ROBO2: variants seen among roughly 807,000 people sequenced by gnomAD.
ROBO2 encodes roundabout homolog 2.
In ROBO2, 53 loss-of-function variants were observed where a neutral mutation model predicts 160.8. That is an observed-to-expected ratio of 0.33 (90% confidence interval 0.26 to 0.41). The LOEUF (loss-of-function observed/expected upper bound fraction) is 0.41, where lower values mean the gene tolerates loss of function less well. ROBO2 is among the 10% of genes least tolerant of loss of function. ROBO2 has a pLI of 1.00. For missense variants in ROBO2, 1,577 were observed against 1,722.4 expected (o/e 0.92, Z 1.49); for synonymous variants, 664 against 611.7 (o/e 1.09, Z -1.26).
At chr3:77,382,795 A>G (rs2073678080) in intron 2 of ROBO2, among the ~76,000 whole-genome samples, 3 of 152,190 alleles carry the variant, frequency 2.0e-5, no homozygotes, top group Admixed American at 1.3e-4. Context: ...CATATATACC[A>G]CATTTTCTTT....
At chr3:76,211,030 A>G (rs6792598) in intron 2 of ROBO2, among the ~76,000 whole-genome samples, 148,022 of 152,124 alleles carry the variant, frequency 0.97, 72,146 homozygotes, top group East Asian at 1. Context: ...GTAATGAGTG[A>G]CGTAGAAAAA....
At chr3:77,436,374 T>C (rs1317261745) in intron 2 of ROBO2, among the ~76,000 whole-genome samples, 1 of 151,844 alleles carries the variant, frequency 6.6e-6, no homozygotes, top group African/African-American at 2.4e-5. Flanking sequence ...ATCACAAATA[T>C]GTTCTAGAAC....
rs143561771 is a variant in ROBO2, at chr3:77,617,627, C to T, written c.3408C>T (p.Gly1136=). Residue 1136 remains glycine (G), a synonymous_variant, in exon 22 of 26, where the codon GGC becomes GGT. Transcript: ENST00000461745. ...GGGTCCCAACACCTCCTGTTCGAGG[C>T]GTGGCTTCTTCTCCTGCTATCTCCT... 547 of 1,614,140 alleles carry T rather than the reference C, an allele frequency of 3.4e-4. 2 individuals are homozygous for T. The African/African-American group carries it at 6.0e-3, about 18-fold the overall frequency.
intron 2 of ROBO2, among the ~76,000 whole-genome samples, chr3:77,465,861 C>T (rs1042344664): frequency 2.6e-5 from 4 of 152,114 alleles, no homozygotes; most frequent in Admixed American, 6.5e-5. Flanking sequence ...TCTCCAATCA[C>T]TGTCAATGGT....
intron 2 of ROBO2, among the ~76,000 whole-genome samples, chr3:76,393,885 T>C (rs549254019): frequency 1.3e-5 from 2 of 152,260 alleles, no homozygotes; most frequent in Non-Finnish European, 1.5e-5. Flanking sequence ...AAGTGTGAAA[T>C]TGTAAGTATA....
intron 2 of ROBO2, among the ~76,000 whole-genome samples, chr3:76,755,147 A>G (rs894643739): frequency 6.6e-6 from 1 of 151,870 alleles, no homozygotes; most frequent in Non-Finnish European, 1.5e-5. Context: ...ATTATTGATT[A>G]AATGAATTTT....
At chr3:77,292,229 AC>A (rs1398989233) in intron 2 of ROBO2, among the ~76,000 whole-genome samples, 14 of 151,244 alleles carry the variant, frequency 9.3e-5, no homozygotes, top group South Asian at 4.2e-4. Context: ...AGGCTAGATC[AC>A]CCCAGATGTA....
At chr3:76,966,218 A>T (rs552628443) in intron 2 of ROBO2, among the ~76,000 whole-genome samples, 5 of 152,164 alleles carry the variant, frequency 3.3e-5, no homozygotes, top group African/African-American at 1.2e-4. Flanking sequence ...CACCGTGCCC[A>T]GTCCATATTT....
chr3:76,739,073 G>T (rs1014608849), intron 2 of ROBO2, among the ~76,000 whole-genome samples: 6 of 152,104 alleles, frequency 3.9e-5, no homozygotes, highest in Non-Finnish European at 7.4e-5. Context: ...TCAGTGTGGC[G>T]ATTCCTCAGG....
intron 2 of ROBO2, among the ~76,000 whole-genome samples, chr3:76,416,671 G>T (rs2075769745): frequency 6.6e-6 from 1 of 152,144 alleles, no homozygotes; most frequent in African/African-American, 2.4e-5. Context: ...TTATAGGAGA[G>T]ATGATGACCA....
intron 1 of ROBO2, among the ~76,000 whole-genome samples, chr3:77,097,090 G>A (rs1220031232): frequency 4.6e-5 from 7 of 152,152 alleles, no homozygotes; most frequent in Non-Finnish European, 1.0e-4. Flanking sequence ...TAAAAGAATA[G>A]TCATACCCCT....
chr3:76,502,123 GA>G (rs2080492637), intron 2 of ROBO2, among the ~76,000 whole-genome samples: 1 of 152,116 alleles, frequency 6.6e-6, no homozygotes. Flanking sequence ...TATGTTTTGT[GA>G]AAGATATAAT....
At chr3:77,425,422 A>C in intron 2 of ROBO2, among the ~76,000 whole-genome samples, 1 of 152,158 alleles carries the variant, frequency 6.6e-6, no homozygotes, top group East Asian at 1.9e-4. Context: ...GAGGTGGCCA[A>C]AGATGTTCTT....
chr3:76,465,603 G>A (rs1161413149), intron 2 of ROBO2, among the ~76,000 whole-genome samples: 1 of 152,024 alleles, frequency 6.6e-6, no homozygotes, highest in Admixed American at 6.6e-5. Flanking sequence ...GTAGATAATT[G>A]AGAGTTGGCT....
intron 16 of ROBO2, among the ~76,000 whole-genome samples, chr3:77,587,680 C>T (rs1052144489): frequency 2.0e-5 from 3 of 152,220 alleles, no homozygotes; most frequent in Middle Eastern, 3.4e-3. Flanking sequence ...TCATCAAAAT[C>T]ATGACTTCAA....
At chr3:76,792,439 G>C (rs969623874) in intron 2 of ROBO2, among the ~76,000 whole-genome samples, 1 of 151,674 alleles carries the variant, frequency 6.6e-6, no homozygotes, top group East Asian at 1.9e-4. Context: ...TTTTGGGATA[G>C]ATAACGAATA....
At chr3:76,060,461 A>G (rs1289481708) in intron 2 of ROBO2, among the ~76,000 whole-genome samples, 1 of 152,192 alleles carries the variant, frequency 6.6e-6, no homozygotes, top group Non-Finnish European at 1.5e-5. Flanking sequence ...ATAAAATTAT[A>G]CTAGAGTGAA....
chr3:77,587,949 G>T (rs2153683022), intron 16 of ROBO2, among the ~76,000 whole-genome samples: 1 of 152,154 alleles, frequency 6.6e-6, no homozygotes, highest in Non-Finnish European at 1.5e-5. Flanking sequence ...TTAAAATGTA[G>T]ATTGAGATTT....
chr3:76,185,215 T>TATATATATAC lies in ROBO2; in HGVS notation c.109+247614_109+247615insTATATATACA. On this transcript the variant is annotated intron_variant, in intron 2 of 26. Coordinates refer to the ROBO2 transcript ENST00000487694. ...ACACAGATATATATATATATATATA[T>TATATATATAC]ACACACACAAAGATGTTATATATAC... 5.8e-3 allele frequency among the ~76,000 whole-genome samples: 523 copies of TATATATATAC among 90,272 alleles called. 8 individuals carry two copies. Among genetic ancestry groups the TATATATATAC allele is most frequent in the African/African-American group, 0.017 (452 of 26,412 alleles). 59.2% of individuals were successfully genotyped at this position (90,272 alleles called of 152,430 possible).
Sources: allele counts gnomAD v4.1 joint callset (sites outside exome capture counted in the v4.1 genomes callset), GRCh38; gene constraint gnomAD v4.1.1; transcripts MANE v1.5; gene names NCBI Gene and HGNC (gene_info 2026-07-23, HGNC 2026-07-21).